EPHA8: variants seen among roughly 807,000 people sequenced by gnomAD.
EPHA8 encodes ephrin type-A receptor 8.
EPHA8 carries 58 observed loss-of-function variants against 103.6 expected under a neutral mutation model. The ratio of observed to expected loss-of-function variants is 0.56; its 90% CI spans 0.45 to 0.70. The LOEUF (loss-of-function observed/expected upper bound fraction) is 0.70. Ranked by LOEUF, EPHA8 falls within the 30% of genes least tolerant of loss-of-function variation. The probability of loss-of-function intolerance (pLI) is 0.00; values close to 1 mark genes in which losing one functional copy is unlikely to be tolerated. For missense variants in EPHA8, 1,304 were observed against 1,395.2 expected, an observed-to-expected ratio of 0.93 and a Z score of 1.04; for synonymous variants, 559 against 572.5, an observed-to-expected ratio of 0.98 and a Z score of 0.34.
chr1:22,601,186 G>C, intron 15 of EPHA8, 98 bp downstream of exon 15: 1 of 1,528,886 alleles, frequency 6.5e-7, no homozygotes, highest in Admixed American at 2.1e-5. Flanking sequence ...CTAGGACCAG[G>C]CCCAGCCTGG....
intron 2 of EPHA8, among the ~76,000 whole-genome samples, chr1:22,573,669 A>T (rs1006622214): frequency 6.6e-6 from 1 of 152,192 alleles, no homozygotes; most frequent in Non-Finnish European, 1.5e-5. Flanking sequence ...CTCTGCCCTC[A>T]TCCTCCAGCT....
At chr1:22,601,586 C>A (rs763404785) in intron 16 of EPHA8, 41 bp from the exon 17 acceptor site, 70 of 1,581,742 alleles carry the variant, frequency 4.4e-5, no homozygotes, top group Non-Finnish European at 5.8e-5. Flanking sequence ...CGGCTCCCAG[C>A]CTCCCAGGCC....
chr1:22,578,163 AGTGTATGTGTGCAT>A (rs758562518), intron 3 of EPHA8, among the ~76,000 whole-genome samples: 2 of 66,600 alleles, frequency 3.0e-5, no homozygotes, highest in Non-Finnish European at 6.6e-5. Context: ...TGTGTGCATG[AGTGTATGTGTGCAT>A]GTGTGTGCGT....
In EPHA8 at chr1:22,597,531, C is replaced by T; in HGVS notation, c.1930+55C>T. 6.3e-7 allele frequency: 1 copy of T among 1,586,988 alleles called. No individual in the cohort carries two copies. Among genetic ancestry groups the T allele is most frequent in the Non-Finnish European group, 8.6e-7 (1 of 1,165,206 alleles). On this transcript the variant is annotated intron_variant, in intron 10 of 16. Coordinates refer to ENST00000166244, the MANE Select transcript of EPHA8 (RefSeq NM_020526.5). This position sits in a 1 kb window ranked among gnomAD's most constrained non-coding sequence, Gnocchi z 4.6. ...CAGCATGGGGCAAGGTGGGGGCACC[C>T]AGGGCAAGGTGGGGGCACCCAGGGC...
intron 3 of EPHA8, among the ~76,000 whole-genome samples, chr1:22,578,343 T>A (rs1373253710): frequency 6.6e-6 from 1 of 150,844 alleles, no homozygotes. Flanking sequence ...AGTGTATGCA[T>A]GTGTGTATGT....
In EPHA8 at chr1:22,598,021, T is replaced by G; in HGVS notation, c.2117-130T>G. ...GGGTGCCCAGAGCCTGGGACCCCAG[T>G]GGAAACCCAAGGCACCCTGGGGTTT... On this transcript the variant is annotated intron_variant, in intron 11 of 16. Coordinates refer to ENST00000166244, the MANE Select transcript of EPHA8 (RefSeq NM_020526.5). The surrounding 1 kb of genome is among the most constrained non-coding windows in gnomAD (Gnocchi z 5.1). 7.1e-7 allele frequency: 1 copy of G among 1,416,392 alleles called. No homozygotes were observed. Among genetic ancestry groups the G allele is most frequent in the South Asian group, 1.2e-5 (1 of 84,412 alleles). The allele number at this position is 1,416,392 out of a possible 1,614,324, so 87.7% of individuals were successfully genotyped here.
In EPHA8 at chr1:22,602,047, C is replaced by A. The variant is rs1641754209; in HGVS notation, c.*306C>A. On this transcript the variant is annotated 3_prime_UTR_variant, in exon 17 of 17. Transcript: ENST00000166244. The stretch of plus-strand genomic sequence containing the variant: ...GACATCACTCGCCTGCCTCTGTGTG[C>A]GTGCATGTGTGTGTGTGGTGGGGGG... 1 of 501,606 alleles carries A rather than the reference C, an allele frequency of 2.0e-6. No individual in the cohort carries two copies. Among genetic ancestry groups the A allele is most frequent in the Non-Finnish European group, 3.5e-6 (1 of 285,164 alleles). 31.1% of individuals were successfully genotyped at this position (501,606 alleles called of 1,614,324 possible). A position where few individuals can be genotyped will look rare whatever the true frequency, so the allele number is the denominator to read the frequency against.
chr1:22,593,193 TG>T, intron 5 of EPHA8, 132 bp from the exon 6 acceptor site: 1 of 1,361,900 alleles, frequency 7.3e-7, no homozygotes, highest in Non-Finnish European at 9.8e-7. Flanking sequence ...CTGGCTGTCC[TG>T]GGGCTGGGGC....
In EPHA8 at chr1:22,601,424, G is replaced by T; in HGVS notation, c.2854G>T (p.Ala952Ser). ...IRMGRYRDHF[A>S]AGGYSSLGMV... is the part of the protein sequence containing the mutation. Reference sequence around the variant, plus strand: ...CATGGGCCGGTACCGAGACCACTTCGCTGCGGGCGGATACTCCTCTCTGGG... The same window carrying T: ...CATGGGCCGGTACCGAGACCACTTCTCTGCGGGCGGATACTCCTCTCTGGG... Residue 952 changes from alanine (A) to serine (S), a missense_variant, in exon 16 of 17, where the codon GCT becomes TCT. Ala to Ser is a moderately conservative substitution (Grantham distance 99). Coordinates refer to ENST00000166244, the MANE Select transcript of EPHA8 (RefSeq NM_020526.5). 6.2e-7 allele frequency: 1 copy of T among 1,610,964 alleles called. No individual in the cohort carries two copies. The highest frequency in any genetic ancestry group is 8.5e-7 in the Non-Finnish European group (1 of 1,179,820).
rs748960335 is a variant in EPHA8, at chr1:22,569,344, G to A, written c.150G>A (p.Pro50=). The change falls in exon 2 of 17, where the codon CCG becomes CCA. Residue 50 remains proline, a synonymous_variant. Coordinates refer to ENST00000166244, the MANE Select transcript of EPHA8 (RefSeq NM_020526.5). The surrounding 1 kb of genome is among the most constrained non-coding windows in gnomAD (Gnocchi z 4.5). ...GGGACTGGGGCTGGCTCACGTATCCGGCTCATGGGGTGAGTGATGGGCACT... is the reference window on the plus strand; with the variant it reads ...GGGACTGGGGCTGGCTCACGTATCCAGCTCATGGGGTGAGTGATGGGCACT... The part of the protein sequence containing the change: ...IHGDWGWLTY[P]AHGWDSINEV... 14 of 1,596,686 alleles carry A rather than the reference G, an allele frequency of 8.8e-6. No homozygotes were observed. The highest frequency in any genetic ancestry group is 1.7e-5 in the Admixed American group (1 of 58,230).
Position 22,576,326 on chromosome 1 carries a change from C to G in EPHA8, c.269C>G (p.Pro90Arg). 6.2e-7 allele frequency: 1 copy of G among 1,613,854 alleles called. No homozygotes were observed. Among genetic ancestry groups the G allele is most frequent in the Non-Finnish European group, 8.5e-7 (1 of 1,180,026 alleles). The stretch of plus-strand genomic sequence containing the variant: ...AACTGGCTGCGCACGAGCTGGGTCC[C>G]CCGAGACGGCGCCCGGCGCGTCTAT... ...QNNWLRTSWV[P>R]RDGARRVYAE... Residue 90 changes from proline to arginine, a missense_variant, in exon 3 of 17, where the codon CCC (proline) becomes CGC (arginine). Pro to Arg is a moderately radical substitution (Grantham distance 103, BLOSUM62 -2). Coordinates refer to ENST00000166244, the MANE Select transcript of EPHA8 (RefSeq NM_020526.5). The surrounding 1 kb of genome is among the most constrained non-coding windows in gnomAD (Gnocchi z 4.8).
chr1:22,572,564 G>A (rs184180789), intron 2 of EPHA8, among the ~76,000 whole-genome samples: 27 of 152,342 alleles, frequency 1.8e-4, no homozygotes, highest in Non-Finnish European at 3.4e-4. Flanking sequence ...ATGGACTAAC[G>A]AATGCTGCTT....
chr1:22,595,148 G>A (rs966219473), intron 7 of EPHA8, 82 bp from the exon 8 acceptor site: 1 of 1,177,648 alleles, frequency 8.5e-7, no homozygotes. Context: ...TCACAGCCAG[G>A]CAGGCTCAGA....
chr1:22,589,090 C>A lies in EPHA8; in HGVS notation c.1199C>A (p.Ala400Asp), dbSNP rs757122925. Residue 400 changes from alanine to aspartate, a missense_variant, in exon 5 of 17, where the codon GCC (alanine) becomes GAC (aspartate). Coordinates refer to ENST00000166244, the MANE Select transcript of EPHA8 (RefSeq NM_020526.5). The surrounding 1 kb of genome is among the most constrained non-coding windows in gnomAD (Gnocchi z 4.3). ...CTGGTGCAGGCCAGCCTGCTGGTGG[C>A]CAACCTGCTGGCCCACATGAACTAC... ...TSLVQASLLV[A>D]NLLAHMNYSF... is the part of the protein sequence containing the mutation. The A allele has an allele frequency of 5.0e-6, 8 of 1,613,426 alleles. No individual in the cohort carries two copies. In the Admixed American group the frequency reaches 1.3e-4, roughly 27 times the overall value.
intron 5 of EPHA8, among the ~76,000 whole-genome samples, chr1:22,590,368 C>T (rs10917264): frequency 3.2e-4 from 48 of 152,274 alleles, no homozygotes; most frequent in African/African-American, 8.4e-4. Flanking sequence ...CCTTCCCCTC[C>T]GGTCACCAGA....
chr1:22,597,689 A>G lies in EPHA8; in HGVS notation c.1944A>G (p.Glu648=), dbSNP rs1157918295. 6 of 1,609,778 alleles carry G rather than the reference A, an allele frequency of 3.7e-6. No homozygotes were observed. In the African/African-American group the frequency reaches 8.0e-5, roughly 21 times the overall value. Residue 648 remains glutamate (E), a synonymous_variant, in exon 11 of 17, where the codon GAA becomes GAG. Transcript: ENST00000166244. The surrounding 1 kb of genome is among the most constrained non-coding windows in gnomAD (Gnocchi z 4.6). ...CGGGGCCTGCAGGAGACTCCGGGGAAGTCTGCTACGGGAGGCTGCGGGTGC... is the reference window on the plus strand; with the variant it reads ...CGGGGCCTGCAGGAGACTCCGGGGAGGTCTGCTACGGGAGGCTGCGGGTGC... ...EKIIGSGDSG[E]VCYGRLRVPG...
At chr1:22,592,903 C>T (rs1322503353) in intron 5 of EPHA8, among the ~76,000 whole-genome samples, 2 of 152,116 alleles carry the variant, frequency 1.3e-5, no homozygotes, top group Non-Finnish European at 2.9e-5. Flanking sequence ...CAGCTCACCC[C>T]CTTCCCTCAG....
chr1:22,565,197 T>G (rs1395352901), intron 1 of EPHA8, among the ~76,000 whole-genome samples: 1 of 152,168 alleles, frequency 6.6e-6, no homozygotes, highest in Non-Finnish European at 1.5e-5. Context: ...AAGGAGCCCG[T>G]CGTTTGCATC....
At chr1:22,585,486 T>G (rs1440564313) in intron 3 of EPHA8, among the ~76,000 whole-genome samples, 2 of 152,156 alleles carry the variant, frequency 1.3e-5, no homozygotes, top group African/African-American at 4.8e-5. Flanking sequence ...CCTCCCACCA[T>G]TTACCCTTCC....
Sources: gnomAD v4.1 joint callset for allele counts (sites outside exome capture counted in the v4.1 genomes callset) on GRCh38, gnomAD v4.1.1 for gene constraint, Gnocchi (gnomAD v3.1) non-coding constraint, MANE v1.5 for transcripts, NCBI Gene and HGNC (gene_info 2026-07-23, HGNC 2026-07-21) for gene names.